The following ZBTB7C variants were observed in gnomAD, a reference collection of about 807,000 sequenced individuals.
The protein encoded by ZBTB7C is zinc finger and BTB domain containing 7C.
ZBTB7C carries 8 observed loss-of-function variants against 25.7 expected under a neutral mutation model. That is an observed-to-expected ratio of 0.31 (90% CI 0.18 to 0.56). The LOEUF is 0.56. Ranked by LOEUF, ZBTB7C falls within the 20% of genes least tolerant of loss-of-function variation. The pLI is 0.91. For synonymous variants in ZBTB7C, 394 were observed against 369.0 expected (o/e 1.07, Z -0.78); for missense variants, 824 against 855.2 (o/e 0.96, Z 0.46).
chr18:48,049,863 C>G (rs186748349), intron 3 of ZBTB7C, among the ~76,000 whole-genome samples: 15 of 152,150 alleles, frequency 9.9e-5, no homozygotes, highest in African/African-American at 3.1e-4. Flanking sequence ...AATCTGGGCT[C>G]AGGATGGTGG....
intron 2 of ZBTB7C, among the ~76,000 whole-genome samples, chr18:48,228,128 T>C (rs1424714996): frequency 6.6e-6 from 1 of 152,154 alleles, no homozygotes; most frequent in Non-Finnish European, 1.5e-5. Flanking sequence ...GCAGGAAGCA[T>C]GCTCAATGGC....
chr18:48,155,428 C>G (rs1418647626), intron 3 of ZBTB7C, among the ~76,000 whole-genome samples: 1 of 148,956 alleles, frequency 6.7e-6, no homozygotes, highest in Non-Finnish European at 1.5e-5. Context: ...CCCGGGTTCA[C>G]GCCATTCTCC....
chr18:48,348,565 C>G (rs569106113), intron 1 of ZBTB7C, among the ~76,000 whole-genome samples: 1 of 152,200 alleles, frequency 6.6e-6, no homozygotes, highest in East Asian at 1.9e-4. Context: ...GCCTGTAATC[C>G]CAGCACTTTG....
chr18:48,374,285 T>G (rs1237318823), intron 1 of ZBTB7C: 2 of 152,256 alleles, frequency 1.3e-5, no homozygotes. Context: ...GAGCCCACTT[T>G]AAAATCTTTC....
chr18:48,218,430 G>A (rs2042876152), intron 2 of ZBTB7C, among the ~76,000 whole-genome samples: 1 of 152,250 alleles, frequency 6.6e-6, no homozygotes, highest in Non-Finnish European at 1.5e-5. Flanking sequence ...GGTACAGGGT[G>A]AGGCCAAAGG....
intron 2 of ZBTB7C, among the ~76,000 whole-genome samples, chr18:48,244,266 T>C (rs11665009): frequency 0.011 from 1,658 of 152,066 alleles, 21 homozygotes; most frequent in African/African-American, 0.038. Context: ...ATACAAAAAA[T>C]TAGCCAGGTG....
chr18:48,298,310 G>A (rs940659846), intron 2 of ZBTB7C, among the ~76,000 whole-genome samples: 9 of 151,298 alleles, frequency 5.9e-5, no homozygotes, highest in Admixed American at 1.3e-4. Flanking sequence ...GTGAGTTGAT[G>A]GCTGCCTTAC....
At chr18:48,319,750 T>C (rs1033486030) in intron 2 of ZBTB7C, among the ~76,000 whole-genome samples, 1 of 152,118 alleles carries the variant, frequency 6.6e-6, no homozygotes, top group Non-Finnish European at 1.5e-5. Context: ...TTTTGGGCAA[T>C]GGGTTCTTGG....
chr18:48,397,331 T>C (rs1445534422), intron 1 of ZBTB7C, among the ~76,000 whole-genome samples: 2 of 152,210 alleles, frequency 1.3e-5, no homozygotes, highest in Non-Finnish European at 2.9e-5. Context: ...ATTTCTTCAC[T>C]GAGCTTGGCC....
intron 3 of ZBTB7C, among the ~76,000 whole-genome samples, chr18:48,052,346 G>A (rs2036722547): frequency 1.3e-5 from 2 of 152,234 alleles, no homozygotes; most frequent in Admixed American, 1.3e-4. Flanking sequence ...TATTGAAGAG[G>A]TTGTGTGTGG....
At chr18:48,220,744 AACTC>A (rs1316660070) in intron 2 of ZBTB7C, among the ~76,000 whole-genome samples, 1 of 152,146 alleles carries the variant, frequency 6.6e-6, no homozygotes, top group African/African-American at 2.4e-5. Context: ...TACATATGTC[AACTC>A]ACTCTACAAT....
chr18:48,186,346 G>A (rs949801047), intron 2 of ZBTB7C, among the ~76,000 whole-genome samples: 1 of 152,206 alleles, frequency 6.6e-6, no homozygotes, highest in Non-Finnish European at 1.5e-5. Context: ...GCAACCCTGC[G>A]CGTGCAGCTC....
intron 1 of ZBTB7C, among the ~76,000 whole-genome samples, chr18:48,366,614 C>T (rs575578495): frequency 5.3e-5 from 8 of 152,220 alleles, no homozygotes; most frequent in African/African-American, 1.9e-4. Context: ...AGGCCAGCAA[C>T]CCAAAAGGGA....
intron 2 of ZBTB7C, among the ~76,000 whole-genome samples, chr18:48,320,626 A>C (rs2046067741): frequency 1.3e-5 from 2 of 152,196 alleles, no homozygotes; most frequent in Admixed American, 1.3e-4. Context: ...GCTGACAGCC[A>C]AGGCCAGACA....
chr18:48,196,850 T>C (rs1015574837), intron 2 of ZBTB7C, among the ~76,000 whole-genome samples: 2 of 152,214 alleles, frequency 1.3e-5, no homozygotes, highest in African/African-American at 4.8e-5. Context: ...AAAATGCCCT[T>C]CAGAAGAACA....
At chr18:48,397,594 AC>A (rs2048059721) in intron 1 of ZBTB7C, among the ~76,000 whole-genome samples, 1 of 152,158 alleles carries the variant, frequency 6.6e-6, no homozygotes, top group Non-Finnish European at 1.5e-5. Context: ...GCTATGTCAC[AC>A]ATACAAAGTG....
intron 3 of ZBTB7C, among the ~76,000 whole-genome samples, chr18:48,127,680 C>T (rs1311053059): frequency 6.6e-6 from 1 of 152,212 alleles, no homozygotes; most frequent in Non-Finnish European, 1.5e-5. Flanking sequence ...TTCATCCCAG[C>T]GTGGGCTTTG....
At chr18:48,097,018 A>G (rs2038659359) in intron 3 of ZBTB7C, among the ~76,000 whole-genome samples, 1 of 152,228 alleles carries the variant, frequency 6.6e-6, no homozygotes, top group African/African-American at 2.4e-5. Context: ...AGATACATGG[A>G]ATAATTAGAA....
intron 2 of ZBTB7C, among the ~76,000 whole-genome samples, chr18:48,318,316 C>A (rs191371325): frequency 1.3e-3 from 195 of 152,318 alleles, no homozygotes; most frequent in East Asian, 8.1e-3. Context: ...AACCAACCCC[C>A]CCTCACAAGT....
Sources: allele counts gnomAD v4.1 joint callset (sites outside exome capture counted in the v4.1 genomes callset), GRCh38; gene constraint gnomAD v4.1.1; transcripts MANE v1.5; gene names NCBI Gene and HGNC (gene_info 2026-07-23, HGNC 2026-07-21).